The following KCNQ5 variants were observed in gnomAD, a reference collection of about 807,000 sequenced individuals.
KCNQ5 encodes the protein potassium voltage-gated channel subfamily Q member 5, also known as potassium voltage-gated channel subfamily KQT member 5.
Under a neutral mutation model 98.2 loss-of-function variants are expected in KCNQ5, and 30 were observed. The observed-to-expected ratio is 0.31, with a 90% CI of 0.23 to 0.41. The LOEUF (loss-of-function observed/expected upper bound fraction) is 0.41. KCNQ5 is among the 10% of genes least tolerant of loss of function. The probability of loss-of-function intolerance (pLI) is 1.00; values close to 1 mark genes in which losing one functional copy is unlikely to be tolerated. For synonymous variants in KCNQ5, 458 were observed against 449.4 expected (o/e 1.02, Z -0.24); for missense variants, 835 against 1,182.5 (o/e 0.71, Z 4.31).
intron 1 of KCNQ5, among the ~76,000 whole-genome samples, chr6:72,874,191 G>A (rs1778317900): frequency 6.6e-6 from 1 of 151,932 alleles, no homozygotes; most frequent in African/African-American, 2.4e-5. Flanking sequence ...GCCATATTGA[G>A]AGTAGGAAAA....
chr6:72,912,173 G>T (rs1648319717), intron 1 of KCNQ5, among the ~76,000 whole-genome samples: 1 of 152,126 alleles, frequency 6.6e-6, no homozygotes, highest in South Asian at 2.1e-4. Flanking sequence ...GCTTGGATAG[G>T]ATCCAGTATA....
chr6:72,942,878 A>C (rs1202076578), intron 1 of KCNQ5, among the ~76,000 whole-genome samples: 2 of 152,138 alleles, frequency 1.3e-5, no homozygotes, highest in Non-Finnish European at 1.5e-5. Flanking sequence ...TTTAATGAAA[A>C]ATCACCTTTT....
chr6:72,820,391 T>C (rs556998037), intron 1 of KCNQ5, among the ~76,000 whole-genome samples: 6 of 152,242 alleles, frequency 3.9e-5, no homozygotes, highest in Admixed American at 3.3e-4. Flanking sequence ...CTTACCTTAA[T>C]ATGAGGGTAA....
At chr6:72,717,743 T>C (rs1446219414) in intron 1 of KCNQ5, among the ~76,000 whole-genome samples, 1 of 152,218 alleles carries the variant, frequency 6.6e-6, no homozygotes, top group Non-Finnish European at 1.5e-5. Flanking sequence ...TAGATTTTTG[T>C]TATCATCCAT....
intron 10 of KCNQ5, among the ~76,000 whole-genome samples, chr6:73,164,049 G>C (rs1777707567): frequency 6.6e-6 from 1 of 152,120 alleles, no homozygotes. Flanking sequence ...TTGTTTCAGT[G>C]TTTAATATTG....
chr6:73,136,379 A>C (rs1000336448), intron 10 of KCNQ5, among the ~76,000 whole-genome samples: 1 of 152,222 alleles, frequency 6.6e-6, no homozygotes, highest in Non-Finnish European at 1.5e-5. Context: ...AGTCACCACT[A>C]TCTATCACAA....
intron 1 of KCNQ5, among the ~76,000 whole-genome samples, chr6:72,858,674 GTCTT>G (rs1046234000): frequency 3.3e-5 from 5 of 150,616 alleles, no homozygotes; most frequent in African/African-American, 1.2e-4. Context: ...CCGTTTATTT[GTCTT>G]TCTAAGAATA....
At chr6:72,668,758 A>G (rs1766950924) in intron 1 of KCNQ5, among the ~76,000 whole-genome samples, 1 of 142,906 alleles carries the variant, frequency 7.0e-6, no homozygotes, top group South Asian at 2.6e-4. Context: ...TCTCCCCACC[A>G]TGTGAGAACA....
intron 1 of KCNQ5, among the ~76,000 whole-genome samples, chr6:72,744,468 G>C (rs1771277935): frequency 6.6e-6 from 1 of 152,100 alleles, no homozygotes; most frequent in Non-Finnish European, 1.5e-5. Flanking sequence ...TATGTACTAT[G>C]ATGTTTCTAT....
intron 1 of KCNQ5, among the ~76,000 whole-genome samples, chr6:72,826,158 A>G (rs1775983874): frequency 6.6e-6 from 1 of 152,174 alleles, no homozygotes; most frequent in African/African-American, 2.4e-5. Context: ...TTGCAAGGTA[A>G]AGATACCAAT....
At chr6:72,826,623 G>A (rs913862455) in intron 1 of KCNQ5, among the ~76,000 whole-genome samples, 7 of 151,884 alleles carry the variant, frequency 4.6e-5, no homozygotes, top group African/African-American at 1.7e-4. Context: ...ACATTTTCAT[G>A]TGATAGATAG....
chr6:72,964,605 T>C (rs1428609372), intron 1 of KCNQ5, among the ~76,000 whole-genome samples: 1 of 152,216 alleles, frequency 6.6e-6, no homozygotes, highest in African/African-American at 2.4e-5. Context: ...ATACCATTCT[T>C]TGCTTTTTAA....
At chr6:73,136,599 C>G (rs1275755675) in intron 10 of KCNQ5, 2 of 152,218 alleles carry the variant, frequency 1.3e-5, no homozygotes, top group Non-Finnish European at 2.9e-5. Flanking sequence ...GGACCAATTG[C>G]TGTTCTGTTG....
In KCNQ5 at chr6:72,929,166, A is replaced by G. The variant is rs192287999; in HGVS notation, c.399-74742A>G. Among the ~76,000 whole-genome samples, 320 of 152,268 alleles carry G rather than the reference A, an allele frequency of 2.1e-3. 1 individual carries two copies. Among genetic ancestry groups the G allele is most frequent in the African/African-American group, 7.3e-3 (302 of 41,548 alleles). ...CAGTCCTTTAATTTCTCAATGCATT[A>G]AGAAGTTTGATTTGTAAAATGTGGT... On this transcript the variant is annotated intron_variant, in intron 1 of 13. Coordinates refer to ENST00000370398, the MANE Select transcript of KCNQ5 (RefSeq NM_019842.4).
intron 1 of KCNQ5, among the ~76,000 whole-genome samples, chr6:72,821,033 G>C (rs375958625): frequency 2.0e-5 from 3 of 152,282 alleles, no homozygotes; most frequent in East Asian, 3.9e-4. Context: ...AGAAATAAAA[G>C]ACATAGGTCT....
chr6:73,005,813 AC>A (rs1769786051), intron 2 of KCNQ5, among the ~76,000 whole-genome samples: 2 of 152,348 alleles, frequency 1.3e-5, no homozygotes, highest in Admixed American at 1.3e-4. Flanking sequence ...ATTCGCAGAA[AC>A]CTGTTGCAAC....
Position 72,713,820 on chromosome 6 carries a change from T to C in KCNQ5, c.398+91233T>C, listed in dbSNP as rs143165698. On this transcript the variant is annotated intron_variant, in intron 1 of 13. Transcript: ENST00000370398. Reference sequence around the variant, plus strand: ...TAGAGTAAAACTTAACCACTTAAGATGATATTCCCAGACCTTTAAGTGCAG... The same window carrying C: ...TAGAGTAAAACTTAACCACTTAAGACGATATTCCCAGACCTTTAAGTGCAG... Among the ~76,000 whole-genome samples, 130 of 152,300 alleles carry C rather than the reference T, an allele frequency of 8.5e-4. 1 individual carries two copies. Among genetic ancestry groups the C allele is most frequent in the African/African-American group, 3.0e-3 (124 of 41,584 alleles).
chr6:72,957,145 C>A (rs1468864282), intron 1 of KCNQ5, among the ~76,000 whole-genome samples: 1 of 151,196 alleles, frequency 6.6e-6, no homozygotes, highest in Non-Finnish European at 1.5e-5. Flanking sequence ...GTAGATCTCA[C>A]CCCTGGCTGT....
At chr6:73,023,263 G>A (rs564178710) in intron 2 of KCNQ5, among the ~76,000 whole-genome samples, 1 of 152,318 alleles carries the variant, frequency 6.6e-6, no homozygotes, top group South Asian at 2.1e-4. Flanking sequence ...TTGGGGCATG[G>A]TCAGATAGTG....
Sources: allele counts gnomAD v4.1 joint callset (sites outside exome capture counted in the v4.1 genomes callset), GRCh38; gene constraint gnomAD v4.1.1; transcripts MANE v1.5; gene names NCBI Gene and HGNC (gene_info 2026-07-23, HGNC 2026-07-21).